Variants in ACSF2 observed in about 807,000 individuals in gnomAD.
The protein encoded by ACSF2 is medium-chain acyl-CoA ligase ACSF2, mitochondrial.
Under a neutral mutation model 79.3 loss-of-function variants are expected in ACSF2, and 52 were observed. The ratio of observed to expected loss-of-function variants is 0.66; its 90% CI spans 0.53 to 0.83. ACSF2 has a LOEUF of 0.83. ACSF2 is among the 40% of genes least tolerant of loss of function. ACSF2 has a pLI of 0.00. For synonymous variants in ACSF2, 283 were observed against 312.6 expected, an observed-to-expected ratio of 0.91 and a Z score of 1.00; for missense variants, 661 against 803.3, an observed-to-expected ratio of 0.82 and a Z score of 2.14.
intron 2 of ACSF2, 29 bp downstream of exon 2, chr17:50,460,901 G>T: frequency 6.3e-7 from 1 of 1,590,204 alleles, no homozygotes. Flanking sequence ...ACCTCAAAGT[G>T]GGCAAGTACT....
intron 10 of ACSF2, chr17:50,468,270 C>T (rs747986628): frequency 3.7e-6 from 6 of 1,611,144 alleles, no homozygotes; most frequent in African/African-American, 1.3e-5. Context: ...GAGCTCAACG[C>T]GTTTTCCGAC....
At chr17:50,464,114 C>A in intron 9 of ACSF2, 104 bp from the exon 10 acceptor site, 1 of 1,380,346 alleles carries the variant, frequency 7.2e-7, no homozygotes, top group Non-Finnish European at 1.0e-6. Context: ...GGCTCGGGGT[C>A]AGAGGAGAAA....
intron 1 of ACSF2, 119 bp downstream of exon 1, chr17:50,426,508 G>A: frequency 2.6e-6 from 3 of 1,148,268 alleles, no homozygotes; most frequent in Non-Finnish European, 3.4e-6. Flanking sequence ...GAAGGTACCC[G>A]CCCCTCCCCC....
In ACSF2 at chr17:50,460,658, A is replaced by C; in HGVS notation, c.129-19A>C. The C allele has an allele frequency of 6.2e-7, 1 of 1,601,120 alleles. No individual in the cohort carries two copies. Among genetic ancestry groups the C allele is most frequent in the Non-Finnish European group, 8.5e-7 (1 of 1,172,356 alleles). On this transcript the variant is annotated intron_variant, in intron 1 of 15. Coordinates refer to ENST00000300441, the MANE Select transcript of ACSF2 (RefSeq NM_025149.6). ...AGACTGATCTGGGACAGTCAAACCC[A>C]TAGCTCCTCTCCCTACAGTTCCAGA...
rs147185476 is a variant in ACSF2 at position 50,473,733 on chromosome 17, G to C, written c.1544G>C (p.Arg515Pro). 2.7e-5 allele frequency: 43 copies of C among 1,614,174 alleles called. No homozygotes were observed. The highest frequency in any genetic ancestry group is 3.5e-5 in the Non-Finnish European group (41 of 1,180,044). ...GGCCGCTCTAAGGATATGATCATCC[G>C]GGGTGGTGAGAACATCTACCCCGCA... ...IVGRSKDMII[R>P]GGENIYPAEL... is the part of the protein sequence containing the mutation. The change falls in exon 13 of 16, where the codon CGG (arginine) becomes CCG (proline). Residue 515 changes from arginine to proline, a missense_variant. Coordinates refer to ENST00000300441, the MANE Select transcript of ACSF2 (RefSeq NM_025149.6).
rs2033253929 is a variant in ACSF2 at position 50,474,352 on chromosome 17, T to A, written c.1797+85T>A. ...CACCTCTGTTTCCTTCAGCAATGGG[T>A]GTGGAGAGACTGGCAGTAGGGTGAC... On this transcript the variant is annotated intron_variant, in intron 15 of 15. Transcript: ENST00000300441. This position sits in a 1 kb window ranked among gnomAD's most constrained non-coding sequence, Gnocchi z 4.2. 5 of 1,545,546 alleles carry A rather than the reference T, an allele frequency of 3.2e-6. No homozygotes were observed. The highest frequency in any genetic ancestry group is 4.5e-6 in the Non-Finnish European group (5 of 1,120,318).
Position 50,471,847 on chromosome 17 carries a change from C to T in ACSF2, c.1324-581C>T, listed in dbSNP as rs770877127. On this transcript the variant is annotated intron_variant, in intron 11 of 15. Coordinates refer to ENST00000300441, the MANE Select transcript of ACSF2 (RefSeq NM_025149.6). This position sits in a 1 kb window ranked among gnomAD's most constrained non-coding sequence, Gnocchi z 4.1. ...TTGAGTAGGGATGTGAGCCTCCTCCCGTGTGTGCTACAGCTGCACTGCCAC... is the reference window on the plus strand; with the variant it reads ...TTGAGTAGGGATGTGAGCCTCCTCCTGTGTGTGCTACAGCTGCACTGCCAC... 9.0e-5 allele frequency: 14 copies of T among 155,502 alleles called. 1 individual carries two copies. The highest frequency in any genetic ancestry group is 1.6e-4 in the Non-Finnish European group (11 of 70,562). The allele number at this position is 155,502 out of a possible 1,614,324, so 9.6% of individuals were successfully genotyped here.
At chr17:50,441,455 G>A (rs1305109016) in intron 1 of ACSF2, among the ~76,000 whole-genome samples, 1 of 152,210 alleles carries the variant, frequency 6.6e-6, no homozygotes, top group Non-Finnish European at 1.5e-5. Context: ...GATTACAGGC[G>A]TGAGCCACCA....
chr17:50,462,270 G>A lies in ACSF2; in HGVS notation c.594G>A (p.Glu198=), dbSNP rs200245405. ...TGAAGCAGATCTGTCCAGAAGTGGAGAATGCCCAGCCAGGGGCCTTGAAGA... is the reference window on the plus strand; with the variant it reads ...TGAAGCAGATCTGTCCAGAAGTGGAAAATGCCCAGCCAGGGGCCTTGAAGA... The part of the protein sequence containing the change: ...NVLKQICPEV[E]NAQPGALKSQ... The change falls in exon 5 of 16, where the codon GAG becomes GAA. Residue 198 remains glutamate (E), a synonymous_variant. Coordinates refer to ENST00000300441, the MANE Select transcript of ACSF2 (RefSeq NM_025149.6). 3.3e-5 allele frequency: 53 copies of A among 1,614,090 alleles called. No individual in the cohort carries two copies. The highest frequency in any genetic ancestry group is 4.3e-5 in the Non-Finnish European group (51 of 1,180,002).
Position 50,431,349 on chromosome 17 carries a change from T to C in ACSF2, c.128+4960T>C, listed in dbSNP as rs186425703. Among the ~76,000 whole-genome samples, 64 of 152,276 alleles carry C rather than the reference T, an allele frequency of 4.2e-4. 1 individual carries two copies. Among genetic ancestry groups the C allele is most frequent in the African/African-American group, 1.4e-3 (59 of 41,568 alleles). ...AGAAGGAGTCTACAGGGGAAGTCCA[T>C]AGACACACTGATTCAAGGCAGAAAG... On this transcript the variant is annotated intron_variant, in intron 1 of 15. Transcript: ENST00000300441.
chr17:50,460,676 G>T lies in ACSF2; in HGVS notation c.129-1G>T. 2.5e-6 allele frequency: 4 copies of T among 1,609,896 alleles called. No homozygotes were observed. Among genetic ancestry groups the T allele is most frequent in the Non-Finnish European group, 3.4e-6 (4 of 1,177,752 alleles). ...CAAACCCATAGCTCCTCTCCCTACA[G>T]TTCCAGAGAGGTGGATCGCATGGTC... On this transcript the variant is annotated splice_acceptor_variant, in intron 1 of 15. Coordinates refer to ENST00000300441, the MANE Select transcript of ACSF2 (RefSeq NM_025149.6). LOFTEE classifies it high-confidence loss of function.
At chr17:50,468,016 C>T in intron 10 of ACSF2, 1 of 1,553,818 alleles carries the variant, frequency 6.4e-7, no homozygotes, top group Admixed American at 1.8e-5. Context: ...GGAACCAGGG[C>T]AGAGCCCACA....
chr17:50,439,598 G>A (rs1598396335), intron 1 of ACSF2, among the ~76,000 whole-genome samples: 1 of 152,094 alleles, frequency 6.6e-6, no homozygotes, highest in African/African-American at 2.4e-5. Context: ...TTGCCCTGGC[G>A]AGACTGTGCT....
intron 1 of ACSF2, among the ~76,000 whole-genome samples, chr17:50,445,427 C>T (rs1042196344): frequency 6.6e-6 from 1 of 152,084 alleles, no homozygotes; most frequent in African/African-American, 2.4e-5. Context: ...GCAGATTTAC[C>T]CATCTCTGCC....
chr17:50,446,653 G>C (rs78780725), intron 1 of ACSF2, among the ~76,000 whole-genome samples: 1 of 152,098 alleles, frequency 6.6e-6, no homozygotes, highest in East Asian at 1.9e-4. Context: ...GAGTTCCCTC[G>C]TGACCTCTTT....
At chr17:50,429,309 G>A (rs1915309926) in intron 1 of ACSF2, among the ~76,000 whole-genome samples, 1 of 152,096 alleles carries the variant, frequency 6.6e-6, no homozygotes, top group Non-Finnish European at 1.5e-5. Flanking sequence ...GCTGATCCCT[G>A]GAAACCCTTG....
intron 1 of ACSF2, among the ~76,000 whole-genome samples, chr17:50,437,681 C>A (rs1192345800): frequency 6.6e-6 from 1 of 152,022 alleles, no homozygotes; most frequent in Non-Finnish European, 1.5e-5. Flanking sequence ...TGGTCTTGAC[C>A]TTGACCCTTT....
chr17:50,467,811 T>G, intron 10 of ACSF2: 1 of 500,576 alleles, frequency 2.0e-6, no homozygotes, highest in Non-Finnish European at 3.5e-6. Context: ...TCCCACTCCT[T>G]TTATATGTAA....
chr17:50,470,636 C>T (rs112560818), intron 10 of ACSF2, among the ~76,000 whole-genome samples: 4 of 150,416 alleles, frequency 2.7e-5, no homozygotes, highest in Admixed American at 6.6e-5. Flanking sequence ...AGGGAGGAGC[C>T]GGGGATGTGG....
Sources: allele counts gnomAD v4.1 joint callset (sites outside exome capture counted in the v4.1 genomes callset), GRCh38; gene constraint gnomAD v4.1.1; non-coding constraint Gnocchi (gnomAD v3.1); transcripts MANE v1.5; gene names NCBI Gene and HGNC (gene_info 2026-07-23, HGNC 2026-07-21).